Variants in ABCC11 observed in about 807,000 individuals in gnomAD.
ABCC11 encodes the protein ATP-binding cassette sub-family C member 11.
ABCC11 carries 135 observed loss-of-function variants against 149.3 expected under a neutral mutation model. The ratio of observed to expected loss-of-function variants is 0.90; its 90% CI spans 0.79 to 1.04. ABCC11 has a LOEUF of 1.04. Among genes scored for constraint, ABCC11 ranks in the 50% least tolerant of loss-of-function variants. The pLI is 0.00. For missense variants in ABCC11, 1,680 were observed against 1,722.1 expected (o/e 0.98, Z 0.43); for synonymous variants, 665 against 671.4 (o/e 0.99, Z 0.15).
intron 20 of ABCC11, among the ~76,000 whole-genome samples, chr16:48,191,568 A>G (rs1442306765): frequency 1.3e-5 from 2 of 152,240 alleles, no homozygotes; most frequent in Non-Finnish European, 2.9e-5. Flanking sequence ...TCTGTAAACG[A>G]AAAGTGCTCA....
intron 15 of ABCC11, among the ~76,000 whole-genome samples, chr16:48,199,971 C>T (rs1472769568): frequency 1.3e-5 from 2 of 152,070 alleles, no homozygotes; most frequent in Non-Finnish European, 2.9e-5. Context: ...CCACCGTGCT[C>T]GGCCTGTTTT....
At chr16:48,198,902 T>C (rs1967681509) in intron 15 of ABCC11, among the ~76,000 whole-genome samples, 1 of 151,960 alleles carries the variant, frequency 6.6e-6, no homozygotes, top group African/African-American at 2.4e-5. Flanking sequence ...CCAGGTGTGG[T>C]GGCGTGTGCC....
chr16:48,184,697 A>G, intron 22 of ABCC11, 71 bp from the exon 23 acceptor site: 1 of 1,478,956 alleles, frequency 6.8e-7, no homozygotes, highest in South Asian at 1.3e-5. Flanking sequence ...CAGGGTAGAT[A>G]CCGGCTGCTT....
intron 20 of ABCC11, among the ~76,000 whole-genome samples, chr16:48,188,284 C>A (rs1966842602): frequency 1.3e-5 from 2 of 152,206 alleles, no homozygotes; most frequent in Admixed American, 6.5e-5. Flanking sequence ...CCCTTGAATT[C>A]TTTCCTGGGC....
In ABCC11 at chr16:48,236,057, T is replaced by C. The variant is rs138757533; in HGVS notation, c.-18-4118A>G. On this transcript the variant is annotated intron_variant, in intron 1 of 29. Transcript: ENST00000356608. ...CCAGAAGCACCTGCCAGCTGGGCCCTAAAGAAGTTTAAGTGATTAGATCTT... is the reference window on the plus strand; with the variant it reads ...CCAGAAGCACCTGCCAGCTGGGCCCCAAAGAAGTTTAAGTGATTAGATCTT... Among the ~76,000 whole-genome samples, 928 of 152,308 alleles carry C rather than the reference T, an allele frequency of 6.1e-3. 12 individuals carry two copies. Among genetic ancestry groups the C allele is most frequent in the African/African-American group, 0.022 (898 of 41,576 alleles).
chr16:48,195,555 A>G (rs1967326821), intron 18 of ABCC11, among the ~76,000 whole-genome samples: 1 of 152,242 alleles, frequency 6.6e-6, no homozygotes, highest in Non-Finnish European at 1.5e-5. Flanking sequence ...AAAATCTCTT[A>G]AATTACTTGA....
At chr16:48,210,860 G>T in intron 11 of ABCC11, 88 bp downstream of exon 11, 5 of 1,525,500 alleles carry the variant, frequency 3.3e-6, no homozygotes, top group Non-Finnish European at 4.4e-6. Context: ...TTTTAACCAA[G>T]GAAATGGTGG....
intron 23 of ABCC11, among the ~76,000 whole-genome samples, chr16:48,180,337 G>T (rs756042684): frequency 6.6e-5 from 10 of 152,222 alleles, no homozygotes; most frequent in Non-Finnish European, 1.3e-4. Flanking sequence ...GACACTTGGG[G>T]CTGCAGCAGC....
rs568306808 is a variant in ABCC11, at chr16:48,229,716, G to A, written c.236+721C>T. On this transcript the variant is annotated intron_variant, in intron 3 of 29. Coordinates refer to ENST00000356608, the MANE Select transcript of ABCC11 (RefSeq NM_001370497.1). ...CCTGACCTCATGATCCACCCGCCTC[G>A]GCCTCCCAAAGTGCTGGGATTACAG... Among the ~76,000 whole-genome samples, 7 of 151,934 alleles carry A rather than the reference G, an allele frequency of 4.6e-5. No homozygotes were observed. The East Asian group carries it at 5.8e-4, about 13-fold the overall frequency.
At chr16:48,225,922 G>T (rs1970040498) in intron 4 of ABCC11, among the ~76,000 whole-genome samples, 1 of 152,180 alleles carries the variant, frequency 6.6e-6, no homozygotes, top group South Asian at 2.1e-4. Flanking sequence ...GACAGACATT[G>T]TAAGTAACGA....
Position 48,170,972 on chromosome 16 carries a change from C to T in ABCC11, c.3699-5G>A. ...TCAAAGGGATCTAGGTTGAATCTACCATATGAGAGAAAGAGAAGTGTTCAA... is the reference window on the plus strand; with the variant it reads ...TCAAAGGGATCTAGGTTGAATCTACTATATGAGAGAAAGAGAAGTGTTCAA... On this transcript the variant is annotated splice_polypyrimidine_tract_variant and splice_region_variant and intron_variant, in intron 26 of 29. Coordinates refer to ENST00000356608, the MANE Select transcript of ABCC11 (RefSeq NM_001370497.1). The T allele has an allele frequency of 2.5e-6, 4 of 1,607,522 alleles. No homozygotes were observed. Among genetic ancestry groups the T allele is most frequent in the East Asian group, 2.2e-5 (1 of 44,846 alleles).
chr16:48,197,040 G>A (rs1355709814), intron 17 of ABCC11, among the ~76,000 whole-genome samples: 1 of 146,276 alleles, frequency 6.8e-6, no homozygotes, highest in Non-Finnish European at 1.5e-5. Flanking sequence ...AGCCTCAGTT[G>A]GTGGCCGGGC....
chr16:48,224,473 G>A (rs1311172161), intron 4 of ABCC11, 44 bp from the exon 5 acceptor site: 1 of 1,598,912 alleles, frequency 6.3e-7, no homozygotes, highest in Non-Finnish European at 8.5e-7. Flanking sequence ...CTTTGCATGT[G>A]ACATCCAAAC....
intron 4 of ABCC11, 104 bp downstream of exon 4, chr16:48,227,702 C>T (rs980034738): frequency 6.1e-6 from 9 of 1,485,776 alleles, no homozygotes; most frequent in South Asian, 4.6e-5. Context: ...AGAGCCAAGT[C>T]GTCTGGCATG....
At chr16:48,206,446 T>C (rs1968455327) in intron 12 of ABCC11, among the ~76,000 whole-genome samples, 1 of 152,186 alleles carries the variant, frequency 6.6e-6, no homozygotes, top group Non-Finnish European at 1.5e-5. Context: ...CTGCCTAAGT[T>C]CAAAACAACA....
chr16:48,191,841 A>T lies in ABCC11; in HGVS notation c.2706+679T>A, dbSNP rs112762319. ...CTGGGGCCTGTTGTGGGGTTGGGGG[A>T]CGGGGGAGGGATAGCATTAGGAGAT... On this transcript the variant is annotated intron_variant, in intron 20 of 29. Transcript: ENST00000356608. Among the ~76,000 whole-genome samples, 1,094 of 151,564 alleles carry T rather than the reference A, an allele frequency of 7.2e-3. 13 individuals are homozygous for T. Among genetic ancestry groups the T allele is most frequent in the African/African-American group, 0.025 (1,051 of 41,326 alleles).
chr16:48,239,172 G>A (rs1970835476), intron 1 of ABCC11, among the ~76,000 whole-genome samples: 1 of 152,088 alleles, frequency 6.6e-6, no homozygotes, highest in Non-Finnish European at 1.5e-5. Flanking sequence ...TGGGAGAACT[G>A]GTTAGCCATA....
In ABCC11 at chr16:48,215,203, T is replaced by C. The variant is rs1969242150; in HGVS notation, c.1093A>G (p.Ile365Val). 5 of 1,607,860 alleles carry C rather than the reference T, an allele frequency of 3.1e-6. No homozygotes were observed. The South Asian group carries it at 5.5e-5, about 18-fold the overall frequency. The change falls in exon 8 of 30, where the codon ATT becomes GTT. Residue 365 changes from isoleucine (I) to valine (V), a missense_variant. Physicochemically the swap from Ile to Val is conservative, Grantham distance 29 (BLOSUM62 3). Coordinates refer to ENST00000356608, the MANE Select transcript of ABCC11 (RefSeq NM_001370497.1). The part of the protein sequence containing the change: ...YTWEKPFAKI[I>V]EDLRRKERKL... The stretch of plus-strand genomic sequence containing the variant: ...AAAGTCAGACTTTCCATACCTTCAA[T>C]GATTTTTGCAAATGGTTTCTCCCAT...
chr16:48,202,428 T>C (rs1276145888), intron 14 of ABCC11, among the ~76,000 whole-genome samples: 1 of 152,010 alleles, frequency 6.6e-6, no homozygotes, highest in East Asian at 1.9e-4. Context: ...TTGGCTAACA[T>C]GACGAAACCC....
Sources: gnomAD v4.1 joint callset for allele counts (sites outside exome capture counted in the v4.1 genomes callset) on GRCh38, gnomAD v4.1.1 for gene constraint, MANE v1.5 for transcripts, NCBI Gene and HGNC (gene_info 2026-07-23, HGNC 2026-07-21) for gene names.